The following STXBP5L variants were observed in gnomAD, a reference collection of about 807,000 sequenced individuals.
STXBP5L encodes syntaxin binding protein 5L.
STXBP5L carries 65 observed loss-of-function variants against 144.5 expected under a neutral mutation model. That is an observed-to-expected ratio of 0.45 (90% confidence interval 0.37 to 0.55). The LOEUF is 0.55. Among genes scored for constraint, STXBP5L ranks in the 20% least tolerant of loss-of-function variants. The pLI is 0.00. For synonymous variants in STXBP5L, 505 were observed against 469.6 expected (o/e 1.08, Z -0.97); for missense variants, 1,298 against 1,405.5 (o/e 0.92, Z 1.22).
chr3:121,041,123 T>C (rs572072648), intron 3 of STXBP5L, among the ~76,000 whole-genome samples: 1 of 152,028 alleles, frequency 6.6e-6, no homozygotes, highest in East Asian at 1.9e-4. Flanking sequence ...TTATATGTTA[T>C]GTAGCATATG....
At chr3:121,207,281 G>T (rs1441357027) in intron 10 of STXBP5L, among the ~76,000 whole-genome samples, 1 of 138,150 alleles carries the variant, frequency 7.2e-6, no homozygotes, top group South Asian at 2.2e-4. Flanking sequence ...CTAGCCATAT[G>T]TAGAAACCTG....
intron 7 of STXBP5L, among the ~76,000 whole-genome samples, chr3:121,123,004 A>G (rs753816968): frequency 6.6e-6 from 1 of 151,592 alleles, no homozygotes; most frequent in African/African-American, 2.4e-5. Context: ...AGCAATATAA[A>G]CATATTTAGA....
intron 15 of STXBP5L, among the ~76,000 whole-genome samples, chr3:121,251,220 AC>A (rs2050016552): frequency 2.0e-5 from 3 of 152,182 alleles, no homozygotes; most frequent in Non-Finnish European, 2.9e-5. Flanking sequence ...GAATTATGTA[AC>A]TTACAGAATA....
intron 5 of STXBP5L, among the ~76,000 whole-genome samples, chr3:121,093,493 A>T (rs1235199623): frequency 1.3e-5 from 2 of 152,134 alleles, no homozygotes; most frequent in African/African-American, 4.8e-5. Context: ...TTCCTGGTTT[A>T]GTCTTGGGAG....
chr3:121,193,925 A>G (rs986775639), intron 9 of STXBP5L, among the ~76,000 whole-genome samples: 1 of 151,964 alleles, frequency 6.6e-6, no homozygotes, highest in African/African-American at 2.4e-5. Context: ...TACCTATGTA[A>G]CAAACTTGGA....
chr3:121,021,288 C>T (rs1478158493), intron 3 of STXBP5L, among the ~76,000 whole-genome samples: 1 of 152,026 alleles, frequency 6.6e-6, no homozygotes, highest in Non-Finnish European at 1.5e-5. Flanking sequence ...TAGACCTAAG[C>T]AATGAGATAG....
At chr3:121,079,806 G>A (rs1359355763) in intron 5 of STXBP5L, among the ~76,000 whole-genome samples, 1 of 152,150 alleles carries the variant, frequency 6.6e-6, no homozygotes, top group African/African-American at 2.4e-5. Context: ...GCAGTTGTTG[G>A]GAAGAATGTT....
intron 3 of STXBP5L, among the ~76,000 whole-genome samples, chr3:120,986,064 G>C (rs1028072540): frequency 6.6e-6 from 1 of 151,752 alleles, no homozygotes; most frequent in African/African-American, 2.4e-5. Flanking sequence ...CACTGTTTTT[G>C]CTGCATCCCA....
intron 3 of STXBP5L, among the ~76,000 whole-genome samples, chr3:121,018,704 A>T (rs1206588174): frequency 6.6e-6 from 1 of 152,184 alleles, no homozygotes; most frequent in Non-Finnish European, 1.5e-5. Context: ...GTAAGAAAAG[A>T]ATCGGTAACT....
At chr3:121,006,505 C>G (rs115283851) in intron 3 of STXBP5L, among the ~76,000 whole-genome samples, 14 of 151,982 alleles carry the variant, frequency 9.2e-5, no homozygotes, top group Non-Finnish European at 1.6e-4. Flanking sequence ...ACTCTATCCA[C>G]TTTGCCAGTC....
At chr3:121,350,456 G>A (rs1438838080) in intron 20 of STXBP5L, among the ~76,000 whole-genome samples, 1 of 152,078 alleles carries the variant, frequency 6.6e-6, no homozygotes, top group African/African-American at 2.4e-5. Context: ...CTCTTCTCGA[G>A]GAGTATCTTT....
At position 121,375,037 on chromosome 3, in the gene STXBP5L, G is replaced by A. The variant is rs555432395; in HGVS notation, c.2177-3679G>A. Among the ~76,000 whole-genome samples the A allele has an allele frequency of 2.1e-3, 319 of 151,514 alleles. 2 individuals are homozygous for A. Among genetic ancestry groups the A allele is most frequent in the African/African-American group, 7.2e-3 (297 of 41,256 alleles). The stretch of plus-strand genomic sequence containing the variant: ...GGGTGGGAGGGTGGGAGGGTGGGAG[G>A]GGGAGTGAAAGAGGAGAAATTACTT... On this transcript the variant is annotated intron_variant, in intron 20 of 26. Coordinates refer to ENST00000471454, the MANE Select transcript of STXBP5L (RefSeq NM_001308330.2).
chr3:120,934,490 T>C (rs1314794211), intron 2 of STXBP5L, among the ~76,000 whole-genome samples: 1 of 152,094 alleles, frequency 6.6e-6, no homozygotes, highest in Non-Finnish European at 1.5e-5. Context: ...TAAAATATTC[T>C]ATAAATGCCA....
At chr3:121,313,305 C>A (rs570392563) in intron 19 of STXBP5L, among the ~76,000 whole-genome samples, 183 of 140,254 alleles carry the variant, frequency 1.3e-3, no homozygotes, top group Non-Finnish European at 2.2e-3. Flanking sequence ...GCAGAGGCGC[C>A]CCTCACCTCC....
Position 121,133,484 on chromosome 3 carries a change from T to A in STXBP5L, c.669+11780T>A, listed in dbSNP as rs1289910614. On this transcript the variant is annotated intron_variant, in intron 7 of 26. Transcript: ENST00000471454. ...AAAGGAGTGGTGCAATATATTCACA[T>A]CCTAAAAGAAAAAAAATACTGTCCA... Among the ~76,000 whole-genome samples, 3 of 151,980 alleles carry A rather than the reference T, an allele frequency of 2.0e-5. No homozygotes were observed. In the East Asian group the frequency reaches 5.8e-4, roughly 29 times the overall value.
chr3:121,208,820 A>C (rs1186824471), intron 10 of STXBP5L, among the ~76,000 whole-genome samples: 4 of 152,076 alleles, frequency 2.6e-5, no homozygotes, highest in Non-Finnish European at 4.4e-5. Context: ...TAAAAAGTGC[A>C]GGTTTGTTAC....
At chr3:121,036,149 A>C (rs561873735) in intron 3 of STXBP5L, among the ~76,000 whole-genome samples, 1 of 152,240 alleles carries the variant, frequency 6.6e-6, no homozygotes, top group African/African-American at 2.4e-5. Context: ...CCTAGCCAAC[A>C]TGGTGAAATC....
intron 18 of STXBP5L, among the ~76,000 whole-genome samples, chr3:121,263,806 G>T (rs1489730793): frequency 6.6e-6 from 1 of 152,148 alleles, no homozygotes; most frequent in African/African-American, 2.4e-5. Flanking sequence ...AGAAATATGG[G>T]ACTATGTGAA....
chr3:120,973,757 T>C (rs61797913), intron 3 of STXBP5L, among the ~76,000 whole-genome samples: 32,050 of 149,286 alleles, frequency 0.21, 3,647 homozygotes, highest in Non-Finnish European at 0.26. Flanking sequence ...TGTGTTCTCA[T>C]TGTTCAATTC....
Sources: allele counts gnomAD v4.1 joint callset (sites outside exome capture counted in the v4.1 genomes callset), GRCh38; gene constraint gnomAD v4.1.1; transcripts MANE v1.5; gene names NCBI Gene and HGNC (gene_info 2026-07-23, HGNC 2026-07-21).